CTNND2: variants seen among roughly 807,000 people sequenced by gnomAD.
CTNND2 encodes the protein catenin delta-2.
CTNND2 carries 22 observed loss-of-function variants against 144.4 expected under a neutral mutation model. The ratio of observed to expected loss-of-function variants is 0.15; its 90% CI spans 0.11 to 0.22. The LOEUF is 0.22. CTNND2 is among the 10% of genes least tolerant of loss of function. The pLI is 1.00. For missense variants in CTNND2, 1,353 were observed against 1,618.8 expected (o/e 0.84, Z 2.82); for synonymous variants, 751 against 695.6 (o/e 1.08, Z -1.25).
chr5:11,462,286 C>T (rs924383861), intron 3 of CTNND2, among the ~76,000 whole-genome samples: 3 of 152,160 alleles, frequency 2.0e-5, no homozygotes, highest in Non-Finnish European at 2.9e-5. Flanking sequence ...TCGATGACCT[C>T]GTGGGCATAG....
At chr5:11,842,196 T>C (rs895281520) in intron 1 of CTNND2, among the ~76,000 whole-genome samples, 11 of 152,052 alleles carry the variant, frequency 7.2e-5, no homozygotes, top group Admixed American at 7.2e-4. Flanking sequence ...AAGGATGGTA[T>C]TGTGTAAATA....
At chr5:11,744,596 G>A (rs778706399) in intron 1 of CTNND2, among the ~76,000 whole-genome samples, 2 of 152,166 alleles carry the variant, frequency 1.3e-5, no homozygotes, top group Non-Finnish European at 2.9e-5. Context: ...GAGCACTGGC[G>A]TGAGCCTCGA....
chr5:11,441,545 AT>A (rs1220034998), intron 3 of CTNND2, among the ~76,000 whole-genome samples: 140 of 144,890 alleles, frequency 9.7e-4, no homozygotes, highest in Admixed American at 4.1e-3. Context: ...TGCCCAGCTA[AT>A]TTTTTTTTTT....
At chr5:11,481,490 C>A (rs1258343950) in intron 3 of CTNND2, among the ~76,000 whole-genome samples, 1 of 152,092 alleles carries the variant, frequency 6.6e-6, no homozygotes, top group African/African-American at 2.4e-5. Flanking sequence ...ATAGTGCCAG[C>A]TACTTGGAAG....
chr5:11,711,690 C>T (rs748882205), intron 2 of CTNND2, among the ~76,000 whole-genome samples: 4 of 152,148 alleles, frequency 2.6e-5, no homozygotes, highest in Non-Finnish European at 5.9e-5. Flanking sequence ...AATAATGTAA[C>T]AAAATATATT....
At chr5:11,118,633 C>T (rs1340902409) in intron 12 of CTNND2, among the ~76,000 whole-genome samples, 3 of 152,096 alleles carry the variant, frequency 2.0e-5, no homozygotes, top group Non-Finnish European at 4.4e-5. Flanking sequence ...GAGGGTCTGG[C>T]TGGGAGGAGG....
intron 11 of CTNND2, among the ~76,000 whole-genome samples, chr5:11,163,167 A>G (rs1008461724): frequency 6.6e-6 from 1 of 152,184 alleles, no homozygotes; most frequent in Non-Finnish European, 1.5e-5. Context: ...TGACCAATGA[A>G]ACATGGTGGA....
intron 8 of CTNND2, among the ~76,000 whole-genome samples, chr5:11,358,870 ATTCT>A (rs1258881539): frequency 2.0e-5 from 3 of 152,168 alleles, no homozygotes; most frequent in South Asian, 2.1e-4. Context: ...ATCTATGATA[ATTCT>A]TTCTTTATTA....
At chr5:11,142,569 G>T (rs1756837284) in intron 12 of CTNND2, among the ~76,000 whole-genome samples, 1 of 151,496 alleles carries the variant, frequency 6.6e-6, no homozygotes, top group Non-Finnish European at 1.5e-5. Flanking sequence ...CATAAGACAG[G>T]CTGTGGTACT....
chr5:11,115,289 T>C (rs61753332), intron 13 of CTNND2, among the ~76,000 whole-genome samples: 2,029 of 152,354 alleles, frequency 0.013, 43 homozygotes, highest in African/African-American at 0.046. Context: ...CCATGGCTCC[T>C]GAAAGATGCC....
At chr5:11,248,151 T>C (rs914652601) in intron 9 of CTNND2, among the ~76,000 whole-genome samples, 2 of 152,154 alleles carry the variant, frequency 1.3e-5, no homozygotes, top group Non-Finnish European at 2.9e-5. Flanking sequence ...GCTGTGAACC[T>C]GGAGTGTAAA....
intron 1 of CTNND2, among the ~76,000 whole-genome samples, chr5:11,870,410 A>C (rs1460967892): frequency 1.3e-5 from 2 of 152,226 alleles, no homozygotes; most frequent in East Asian, 3.9e-4. Context: ...CCTTCTATGT[A>C]GTTGGTCAAT....
intron 2 of CTNND2, among the ~76,000 whole-genome samples, chr5:11,644,790 A>C (rs1168086195): frequency 1.3e-5 from 2 of 152,194 alleles, no homozygotes; most frequent in African/African-American, 4.8e-5. Context: ...CATAAAATTG[A>C]ACAATTGATG....
At chr5:11,007,117 G>C (rs1354058660) in intron 18 of CTNND2, among the ~76,000 whole-genome samples, 1 of 152,172 alleles carries the variant, frequency 6.6e-6, no homozygotes, top group Non-Finnish European at 1.5e-5. Flanking sequence ...ACCTAGAAGG[G>C]AGCAGATGAT....
intron 12 of CTNND2, among the ~76,000 whole-genome samples, chr5:11,118,413 T>A (rs981634248): frequency 6.6e-6 from 1 of 152,098 alleles, no homozygotes; most frequent in South Asian, 2.1e-4. Flanking sequence ...TACAAAGGGA[T>A]TGAAAGAATT....
chr5:11,327,420 T>C (rs985302444), intron 9 of CTNND2, among the ~76,000 whole-genome samples: 2 of 152,178 alleles, frequency 1.3e-5, no homozygotes, highest in African/African-American at 4.8e-5. Context: ...TTAAAGGGAA[T>C]AGTTCCTGTG....
At chr5:10,984,192 C>A (rs1031243140) in intron 20 of CTNND2, among the ~76,000 whole-genome samples, 1 of 152,148 alleles carries the variant, frequency 6.6e-6, no homozygotes, top group Non-Finnish European at 1.5e-5. Context: ...GAGCAGAAGG[C>A]CCTTGAGAGA....
chr5:11,803,991 C>A (rs1042042904), intron 1 of CTNND2, among the ~76,000 whole-genome samples: 7 of 152,168 alleles, frequency 4.6e-5, no homozygotes, highest in African/African-American at 1.7e-4. Flanking sequence ...ATTTTAGCCA[C>A]TGGCCTCTGT....
At chr5:11,069,990 G>T (rs1280470269) in intron 16 of CTNND2, among the ~76,000 whole-genome samples, 1 of 152,160 alleles carries the variant, frequency 6.6e-6, no homozygotes, top group African/African-American at 2.4e-5. Flanking sequence ...ATGAAATGAG[G>T]TGCTTTTTAG....
Sources: gnomAD v4.1 joint callset for allele counts (sites outside exome capture counted in the v4.1 genomes callset) on GRCh38, gnomAD v4.1.1 for gene constraint, MANE v1.5 for transcripts, NCBI Gene and HGNC (gene_info 2026-07-23, HGNC 2026-07-21) for gene names.